Variants in PRR12 observed in about 807,000 individuals in gnomAD.
PRR12 encodes the protein proline rich 12, also known as proline-rich protein 12.
PRR12 carries 12 observed loss-of-function variants against 138.0 expected under a neutral mutation model. That is an observed-to-expected ratio of 0.09 (90% CI 0.06 to 0.14). The LOEUF is 0.14. Ranked by LOEUF, PRR12 falls within the 10% of genes least tolerant of loss-of-function variation. The pLI, the probability that PRR12 is intolerant of heterozygous loss-of-function variation, is 1.00. For missense variants in PRR12, 2,692 were observed against 2,861.3 expected, an observed-to-expected ratio of 0.94 and a Z score of 1.35; for synonymous variants, 1,567 against 1,291.7, an observed-to-expected ratio of 1.21 and a Z score of -4.57.
chr19:49,593,128 T>G lies in PRR12; in HGVS notation c.87-199T>G, dbSNP rs571448934. Among the ~76,000 whole-genome samples the G allele has an allele frequency of 2.5e-4, 38 of 152,034 alleles. No individual in the cohort carries two copies. The South Asian group carries it at 7.9e-3, about 32-fold the overall frequency. On this transcript the variant is annotated intron_variant, in intron 1 of 13. Coordinates refer to ENST00000418929, the MANE Select transcript of PRR12 (RefSeq NM_020719.3). ...GGCTCTCTTTATTCGGGCTCTGGAG[T>G]GGGGGCCATTTCTGTGGCTCTTTAG...
At position 49,620,230 on chromosome 19, in the gene PRR12, G is replaced by C. The variant is rs1240047082; in HGVS notation, c.5498-122G>C. On this transcript the variant is annotated intron_variant, in intron 9 of 13. Transcript: ENST00000418929. The stretch of plus-strand genomic sequence containing the variant: ...GCTTGCCTGTCAATCTTCCCTAGCG[G>C]ACTTGGACCTCCCAAAAGCAGGGAT... 16 of 1,346,082 alleles carry C rather than the reference G, an allele frequency of 1.2e-5. No homozygotes were observed. In the Admixed American group the frequency reaches 1.6e-4, roughly 14 times the overall value. The allele number at this position is 1,346,082 out of a possible 1,614,324, so 83.4% of individuals were successfully genotyped here.
Position 49,622,908 on chromosome 19 carries a change from CATATAT to C in PRR12, c.5721+1302_5721+1307del, listed in dbSNP as rs61466559. ...CTCTGTCTCAAAAAAAAAACAAAAACATATATATATATATATATATAGAGAGAGAGA... is the reference window on the plus strand; with the variant it reads ...CTCTGTCTCAAAAAAAAAACAAAAACATATATATATATATAGAGAGAGAGA... On this transcript the variant is annotated intron_variant, in intron 11 of 13. Coordinates refer to ENST00000418929, the MANE Select transcript of PRR12 (RefSeq NM_020719.3). Among the ~76,000 whole-genome samples the C allele has an allele frequency of 1.8e-3, 174 of 97,218 alleles. 4 individuals are homozygous for C. The highest frequency in any genetic ancestry group is 3.6e-3 in the South Asian group (9 of 2,506). 63.8% of individuals were successfully genotyped at this position (97,218 alleles called of 152,430 possible).
At chr19:49,603,902 C>A (rs2080825142) in intron 6 of PRR12, among the ~76,000 whole-genome samples, 1 of 151,864 alleles carries the variant, frequency 6.6e-6, no homozygotes, top group African/African-American at 2.4e-5. Flanking sequence ...CTTACTGCAA[C>A]CTCTGCTGCC....
Position 49,594,924 on chromosome 19 carries a change from C to G in PRR12, c.589C>G (p.Pro197Ala), listed in dbSNP as rs911461867. 5 of 1,606,316 alleles carry G rather than the reference C, an allele frequency of 3.1e-6. No individual in the cohort carries two copies. Among genetic ancestry groups the G allele is most frequent in the Non-Finnish European group, 4.2e-6 (5 of 1,177,040 alleles). ...GCTGCACCTGAAGCCCTCGCAGGCA[C>G]CCACGGTGCCCTCTTCACTGGGCTT... Reference protein sequence around the residue: ...DVLHLKPSQAPTVPSSLGFER... With the variant: ...DVLHLKPSQAATVPSSLGFER... The change falls in exon 4 of 14, where the codon CCC (proline) becomes GCC (alanine). Residue 197 changes from proline (P) to alanine (A), a missense_variant. Pro to Ala is a conservative substitution (Grantham distance 27). This residue lies in a region of PRR12 where 523 missense variants were observed against 496.4 expected (regional missense o/e 1.05). Coordinates refer to ENST00000418929, the MANE Select transcript of PRR12 (RefSeq NM_020719.3). The surrounding 1 kb of genome is among the most constrained non-coding windows in gnomAD (Gnocchi z 5.6).
At chr19:49,603,702 A>T (rs985102352) in intron 6 of PRR12, among the ~76,000 whole-genome samples, 1 of 152,082 alleles carries the variant, frequency 6.6e-6, no homozygotes, top group Non-Finnish European at 1.5e-5. Context: ...CATCTCGAAA[A>T]AATAATAATA....
intron 6 of PRR12, among the ~76,000 whole-genome samples, chr19:49,603,520 G>A (rs1451706952): frequency 3.3e-5 from 5 of 152,042 alleles, no homozygotes; most frequent in Non-Finnish European, 5.9e-5. Flanking sequence ...GTGAAACCCC[G>A]TCTTTACTAA....
chr19:49,618,836 T>TG (rs1204029699), intron 9 of PRR12, among the ~76,000 whole-genome samples: 4 of 149,422 alleles, frequency 2.7e-5, no homozygotes, highest in Admixed American at 1.3e-4. Flanking sequence ...CGTTCCTACC[T>TG]GGTCCATCAG....
chr19:49,603,839 T>C (rs1463550271), intron 6 of PRR12, among the ~76,000 whole-genome samples: 1 of 152,064 alleles, frequency 6.6e-6, no homozygotes, highest in East Asian at 1.9e-4. Context: ...TTCTTTTCTT[T>C]TCTTTTTTTG....
chr19:49,600,925 A>G (rs997794249), intron 5 of PRR12, among the ~76,000 whole-genome samples: 2 of 151,970 alleles, frequency 1.3e-5, no homozygotes, highest in African/African-American at 2.4e-5. Flanking sequence ...GGGTTTCACC[A>G]TGTTGGCCAG....
chr19:49,596,590 G>A lies in PRR12; in HGVS notation c.2255G>A (p.Gly752Asp). The A allele has an allele frequency of 6.3e-7, 1 of 1,594,948 alleles. No homozygotes were observed. Among genetic ancestry groups the A allele is most frequent in the South Asian group, 1.1e-5 (1 of 88,904 alleles). Reference sequence around the variant, plus strand: ...ACCTCTGTTGTCCACTACGGGGCAGGCGCCAAGGAGCTGGGGGCCTTCTTG... The same window carrying A: ...ACCTCTGTTGTCCACTACGGGGCAGACGCCAAGGAGCTGGGGGCCTTCTTG... ...LATSVVHYGA[G>D]AKELGAFLQK... The change falls in exon 4 of 14, where the codon GGC (glycine) becomes GAC (aspartate). Residue 752 changes from glycine to aspartate, a missense_variant. Physicochemically the swap from Gly to Asp is moderately conservative, Grantham distance 94 (BLOSUM62 -1). This residue lies in a region of PRR12 where 840 missense variants were observed against 689.8 expected (regional missense o/e 1.22). Coordinates refer to ENST00000418929, the MANE Select transcript of PRR12 (RefSeq NM_020719.3). The surrounding 1 kb of genome is among the most constrained non-coding windows in gnomAD (Gnocchi z 5.6).
At chr19:49,592,034 C>T (rs1294008775) in intron 1 of PRR12, among the ~76,000 whole-genome samples, 1 of 152,190 alleles carries the variant, frequency 6.6e-6, no homozygotes, top group African/African-American at 2.4e-5. Context: ...CGAAGCAAGG[C>T]CTGGACTTCC....
chr19:49,625,737 C>A lies in PRR12; in HGVS notation c.*130C>A. The A allele has an allele frequency of 1.6e-6, 2 of 1,257,436 alleles. No homozygotes were observed. Among genetic ancestry groups the A allele is most frequent in the East Asian group, 2.7e-5 (1 of 36,884 alleles). 77.9% of individuals were successfully genotyped at this position (1,257,436 alleles called of 1,614,324 possible). On this transcript the variant is annotated 3_prime_UTR_variant, in exon 14 of 14. Transcript: ENST00000418929. This position sits in a 1 kb window ranked among gnomAD's most constrained non-coding sequence, Gnocchi z 5.5. ...GGTCATGGGTCAGGGTGTGTCTGTG[C>A]TGCCCCCTCCAGGGCAGGGTTCAAA... is the stretch of plus-strand genomic sequence containing the variant.
In PRR12 at chr19:49,599,639, C is replaced by T. The variant is rs1232898662; in HGVS notation, c.4046C>T (p.Ala1349Val). The stretch of plus-strand genomic sequence containing the variant: ...TTTGGGCTTGGGGGCGCCCTGGAGG[C>T]TGCAGAGAGTGAGGGTCTGGGGCTT... ...GAFGLGGALEAAESEGLGLGC... is the reference protein window; with the variant it reads ...GAFGLGGALEVAESEGLGLGC... The change falls in exon 5 of 14, where the codon GCT becomes GTT. Residue 1349 changes from alanine (A) to valine (V), a missense_variant. By Grantham distance (64) the Ala-to-Val change is moderately conservative (BLOSUM62 0). Around this residue, in one of 11 missense-constraint regions of PRR12, gnomAD observed 326 missense variants for 344.2 expected, o/e 0.95. Transcript: ENST00000418929. This position sits in a 1 kb window ranked among gnomAD's most constrained non-coding sequence, Gnocchi z 5.0. The T allele has an allele frequency of 1.5e-5, 24 of 1,608,418 alleles. No homozygotes were observed. Among genetic ancestry groups the T allele is most frequent in the Non-Finnish European group, 2.0e-5 (24 of 1,176,088 alleles).
chr19:49,591,809 G>GGGCCGGGCCC, intron 1 of PRR12, 69 bp downstream of exon 1: 1 of 973,572 alleles, frequency 1.0e-6, no homozygotes. Context: ...GGGCCGGGCC[G>GGGCCGGGCCC]GGCCGGGCCC....
Position 49,620,034 on chromosome 19 carries a change from G to A in PRR12, c.5498-318G>A, listed in dbSNP as rs540840465. Among the ~76,000 whole-genome samples, 17 of 151,648 alleles carry A rather than the reference G, an allele frequency of 1.1e-4. No individual in the cohort carries two copies. The South Asian group carries it at 3.3e-3, about 30-fold the overall frequency. On this transcript the variant is annotated intron_variant, in intron 9 of 13. Coordinates refer to ENST00000418929, the MANE Select transcript of PRR12 (RefSeq NM_020719.3). ...CGCCTGGATAATTTTTGTATTTTTAGTAGAGACAGGGTTTTGCCACGCTGG... is the reference window on the plus strand; with the variant it reads ...CGCCTGGATAATTTTTGTATTTTTAATAGAGACAGGGTTTTGCCACGCTGG...
At position 49,595,044 on chromosome 19, in the gene PRR12, C is replaced by T. The variant is rs766458644; in HGVS notation, c.709C>T (p.Pro237Ser). 1.2e-6 allele frequency: 2 copies of T among 1,610,082 alleles called. No individual in the cohort carries two copies. Among genetic ancestry groups the T allele is most frequent in the Non-Finnish European group, 1.7e-6 (2 of 1,179,044 alleles). The change falls in exon 4 of 14, where the codon CCT becomes TCT. Residue 237 changes from proline (P) to serine (S), a missense_variant. Coordinates refer to ENST00000418929, the MANE Select transcript of PRR12 (RefSeq NM_020719.3). ...CCCTGGCCCCCCAGACCCACCACCA[C>T]CTCCTCGCCACCTCCCAACTCAGTT... is the stretch of plus-strand genomic sequence containing the variant. ...YRPGPPDPPPPPRHLPTQFNL... is the reference protein window; with the variant it reads ...YRPGPPDPPPSPRHLPTQFNL...
intron 6 of PRR12, among the ~76,000 whole-genome samples, chr19:49,608,956 CTGGGACTG>C (rs1258281707): frequency 6.6e-6 from 1 of 152,154 alleles, no homozygotes; most frequent in Non-Finnish European, 1.5e-5. Flanking sequence ...CGTCTGTCAA[CTGGGACTG>C]TTGTTGGGGT....
In PRR12 at chr19:49,595,384, G is replaced by A; in HGVS notation, c.1049G>A (p.Gly350Asp). The A allele has an allele frequency of 6.5e-7, 1 of 1,541,618 alleles. No homozygotes were observed. The highest frequency in any genetic ancestry group is 8.7e-7 in the Non-Finnish European group (1 of 1,143,278). Reference protein sequence around the residue: ...SPGAGEPSKAGPSGATAGASG... With the variant: ...SPGAGEPSKADPSGATAGASG... ...GGTGCTGGGGAGCCTAGCAAGGCTG[G>A]TCCCAGCGGAGCCACGGCTGGGGCA... The change falls in exon 4 of 14, where the codon GGT becomes GAT. Residue 350 changes from glycine to aspartate, a missense_variant. This residue lies in a region of PRR12 where 523 missense variants were observed against 496.4 expected (regional missense o/e 1.05). Transcript: ENST00000418929.
chr19:49,601,733 C>T lies in PRR12; in HGVS notation c.4588C>T (p.Pro1530Ser). The T allele has an allele frequency of 3.2e-6, 5 of 1,546,964 alleles. No homozygotes were observed. The highest frequency in any genetic ancestry group is 3.5e-6 in the Non-Finnish European group (4 of 1,148,404). The change falls in exon 6 of 14, where the codon CCC becomes TCC. Residue 1530 changes from proline to serine, a missense_variant. By Grantham distance (74) the Pro-to-Ser change is moderately conservative. Coordinates refer to ENST00000418929, the MANE Select transcript of PRR12 (RefSeq NM_020719.3). Reference sequence around the variant, plus strand: ...CCCACTGGCTGCTCCTCCTGAGGAGCCCGCCGCCCCGTCTCCCGAAGACCC... The same window carrying T: ...CCCACTGGCTGCTCCTCCTGAGGAGTCCGCCGCCCCGTCTCCCGAAGACCC... ...AAPLAAPPEE[P>S]AAPSPEDPEL...
Sources: allele counts gnomAD v4.1 joint callset (sites outside exome capture counted in the v4.1 genomes callset), GRCh38; gene constraint gnomAD v4.1.1; regional missense constraint gnomAD v4.1.1; non-coding constraint Gnocchi (gnomAD v3.1); transcripts MANE v1.5; gene names NCBI Gene and HGNC (gene_info 2026-07-23, HGNC 2026-07-21).